PAX8: variants seen among roughly 807,000 people sequenced by gnomAD.
PAX8 encodes the protein paired box 8.
In PAX8, 15 loss-of-function variants were observed where a neutral mutation model predicts 52.4. The ratio of observed to expected loss-of-function variants is 0.29; its 90% CI spans 0.19 to 0.44. PAX8 has a LOEUF of 0.44. Among genes scored for constraint, PAX8 ranks in the 20% least tolerant of loss-of-function variants. The pLI is 1.00. For missense variants in PAX8, 554 were observed against 602.5 expected, an observed-to-expected ratio of 0.92 and a Z score of 0.84; for synonymous variants, 284 against 249.7, an observed-to-expected ratio of 1.14 and a Z score of -1.29.
At chr2:113,233,236 G>A (rs1026169795) in intron 9 of PAX8, among the ~76,000 whole-genome samples, 3 of 150,676 alleles carry the variant, frequency 2.0e-5, no homozygotes, top group East Asian at 2.0e-4. Context: ...TCAACTCCTC[G>A]CTTTAGACCC....
At position 113,235,541 on chromosome 2, in the gene PAX8, C is replaced by A; in HGVS notation, c.940G>T (p.Val314Leu). ...PFAIKQETPE[V>L]SSSSSTPSSL... ...GAAGGGGTGGAGCTAGAACTGGACACCTCGGGGGTTTCCTGCTTTATGGCG... is the reference window on the plus strand; with the variant it reads ...GAAGGGGTGGAGCTAGAACTGGACAACTCGGGGGTTTCCTGCTTTATGGCG... The change falls in exon 9 of 12, where the codon GTG becomes TTG. Residue 314 changes from valine (V) to leucine (L), a missense_variant. Coordinates refer to ENST00000429538, the MANE Select transcript of PAX8 (RefSeq NM_003466.4). 2 of 1,613,762 alleles carry A rather than the reference C, an allele frequency of 1.2e-6. No homozygotes were observed. The highest frequency in any genetic ancestry group is 1.7e-6 in the Non-Finnish European group (2 of 1,179,772).
intron 2 of PAX8, among the ~76,000 whole-genome samples, chr2:113,261,229 G>A (rs1042406023): frequency 2.0e-5 from 3 of 152,108 alleles, no homozygotes; most frequent in African/African-American, 7.2e-5. Context: ...AGGAGGCCTA[G>A]GTTCTGCCCA....
chr2:113,246,615 T>A, intron 3 of PAX8, 139 bp downstream of exon 3: 1 of 868,808 alleles, frequency 1.2e-6, no homozygotes, highest in East Asian at 2.4e-5. Flanking sequence ...CCACCATAAC[T>A]GTTCAGGTCT....
rs145057654 is a variant in PAX8 at position 113,231,161 on chromosome 2, G to T, written c.1088-3905C>A. 3.9e-5 allele frequency among the ~76,000 whole-genome samples: 6 copies of T among 152,306 alleles called. No homozygotes were observed. In the East Asian group the frequency reaches 1.2e-3, roughly 29 times the overall value. ...CCTTATCTCGTTCTGATAGCAAGGAGAATTTATGGCAACTCAGAAATCTCT... is the reference window on the plus strand; with the variant it reads ...CCTTATCTCGTTCTGATAGCAAGGATAATTTATGGCAACTCAGAAATCTCT... On this transcript the variant is annotated intron_variant, in intron 9 of 11. Coordinates refer to ENST00000429538, the MANE Select transcript of PAX8 (RefSeq NM_003466.4).
At chr2:113,235,784 T>G in intron 8 of PAX8, 1 of 561,368 alleles carries the variant, frequency 1.8e-6, no homozygotes, top group South Asian at 2.3e-5. Flanking sequence ...CCTGCTGCGC[T>G]TCTGCAGCGA....
intron 2 of PAX8, chr2:113,269,978 TG>T (rs1693354146): frequency 1.3e-5 from 2 of 152,224 alleles, no homozygotes; most frequent in African/African-American, 4.8e-5. Flanking sequence ...CTGGGTTTTC[TG>T]GTAAGGTGAA....
chr2:113,218,539 A>T lies in PAX8; in HGVS notation c.1347T>A (p.His449Gln). 1 of 1,549,130 alleles carries T rather than the reference A, an allele frequency of 6.5e-7. No individual in the cohort carries two copies. Among genetic ancestry groups the T allele is most frequent in the Non-Finnish European group, 8.7e-7 (1 of 1,145,304 alleles). Residue 449 changes from histidine to glutamine, a missense_variant, in exon 12 of 12, where the codon CAT becomes CAA. His to Gln is a conservative substitution (Grantham distance 24). Around this residue, in one of 2 missense-constraint regions of PAX8, gnomAD observed 445 missense variants for 409.9 expected, o/e 1.09. Coordinates refer to ENST00000429538, the MANE Select transcript of PAX8 (RefSeq NM_003466.4). Reference protein sequence around the residue: ...APPTTATAFDHL With the variant: ...APPTTATAFDQL ...CCCACTGTCCCCATGGCAACTACAG[A>T]TGGTCAAAGGCCGTGGCAGTGGTGG...
At chr2:113,245,288 C>T (rs1269104266) in intron 3 of PAX8, among the ~76,000 whole-genome samples, 8 of 152,094 alleles carry the variant, frequency 5.3e-5, no homozygotes, top group African/African-American at 9.7e-5. Flanking sequence ...TCAAGTGATC[C>T]GCCCACCTTG....
intron 8 of PAX8, 49 bp from the exon 9 acceptor site, chr2:113,235,631 G>A (rs1036670237): frequency 2.2e-5 from 33 of 1,486,366 alleles, no homozygotes; most frequent in Non-Finnish European, 2.9e-5. Context: ...GAGATGGCGG[G>A]GAGGGAACAC....
chr2:113,273,804 A>C (rs910426714), intron 2 of PAX8: 4 of 152,012 alleles, frequency 2.6e-5, no homozygotes, highest in African/African-American at 9.7e-5. Context: ...TTTCAATTTC[A>C]CTAATAGTGA....
intron 2 of PAX8, chr2:113,272,773 A>G (rs1352527637): frequency 1.3e-5 from 2 of 152,218 alleles, no homozygotes; most frequent in Non-Finnish European, 2.9e-5. Flanking sequence ...TCCAATCTGC[A>G]TTTGGAAAGA....
chr2:113,247,894 C>T (rs189037360), intron 2 of PAX8, among the ~76,000 whole-genome samples: 2 of 152,220 alleles, frequency 1.3e-5, no homozygotes, highest in African/African-American at 4.8e-5. Context: ...ATTTTGTGAC[C>T]ACTTTTGGGA....
rs1690861245 is a variant in PAX8 at position 113,241,738 on chromosome 2, C to CG, written c.602-13dup. On this transcript the variant is annotated splice_polypyrimidine_tract_variant and intron_variant, in intron 6 of 11. Transcript: ENST00000429538. ...GCTATCCTGATCACCTGGTACCCCCCGGGAAGGAAGAAAGCTTTTAGGGGA... is the reference window on the plus strand; with the variant it reads ...GCTATCCTGATCACCTGGTACCCCCCGGGGAAGGAAGAAAGCTTTTAGGGGA... 6 of 1,613,678 alleles carry CG rather than the reference C, an allele frequency of 3.7e-6. No homozygotes were observed. The highest frequency in any genetic ancestry group is 3.3e-5 in the South Asian group (3 of 91,072).
Position 113,235,375 on chromosome 2 carries a change from C to T in PAX8, c.1087+19G>A, listed in dbSNP as rs1311752311. On this transcript the variant is annotated intron_variant, in intron 9 of 11. Coordinates refer to ENST00000429538, the MANE Select transcript of PAX8 (RefSeq NM_003466.4). ...ACCCGCCGCCATAGCTGCATGGCCC[C>T]GGGACCTCCCTGTCGTACCTGAGAG... 1.3e-6 allele frequency: 2 copies of T among 1,553,732 alleles called. No individual in the cohort carries two copies.
chr2:113,241,464 G>GC, intron 7 of PAX8, 87 bp downstream of exon 7: 1 of 1,348,440 alleles, frequency 7.4e-7, no homozygotes, highest in South Asian at 1.2e-5. Flanking sequence ...ACTTCCAGCT[G>GC]CTTTGATGGA....
At chr2:113,278,730 T>A (rs1694003523) in intron 1 of PAX8, 101 bp downstream of exon 1, 4 of 626,084 alleles carry the variant, frequency 6.4e-6, no homozygotes, top group Non-Finnish European at 6.9e-6. Context: ...CCCGTTTAAC[T>A]TGGGAGGGAA....
chr2:113,245,571 C>T (rs1349547320), intron 3 of PAX8, among the ~76,000 whole-genome samples: 1 of 152,198 alleles, frequency 6.6e-6, no homozygotes, highest in African/African-American at 2.4e-5. Context: ...CCAGGTCCAA[C>T]TTGTTAAGCT....
At chr2:113,239,067 G>GC (rs545048270) in intron 7 of PAX8, 1 of 141,306 alleles carries the variant, frequency 7.1e-6, no homozygotes, top group Non-Finnish European at 1.5e-5. Flanking sequence ...ACTTCCCCCT[G>GC]CCCTTTTTTT....
chr2:113,233,314 G>A (rs1325937004), intron 9 of PAX8, among the ~76,000 whole-genome samples: 1 of 133,888 alleles, frequency 7.5e-6, no homozygotes, highest in African/African-American at 2.8e-5. Context: ...CACATTAGGT[G>A]CTGGGATGTA....
Sources: gnomAD v4.1 joint callset for allele counts (sites outside exome capture counted in the v4.1 genomes callset) on GRCh38, gnomAD v4.1.1 for gene constraint, gnomAD v4.1.1 regional missense constraint, MANE v1.5 for transcripts, NCBI Gene and HGNC (gene_info 2026-07-23, HGNC 2026-07-21) for gene names.